Variants in TUBA4A observed in about 807,000 individuals in gnomAD.
TUBA4A encodes tubulin alpha 4a, also known as tubulin alpha-4A chain.
In TUBA4A, 23 loss-of-function variants were observed where a neutral mutation model predicts 34.3. That is an observed-to-expected ratio of 0.67 (90% CI 0.48 to 0.95). The LOEUF (loss-of-function observed/expected upper bound fraction) is 0.95. Ranked by LOEUF, TUBA4A falls within the 40% of genes least tolerant of loss-of-function variation. TUBA4A has a pLI of 0.00. For missense variants in TUBA4A, 279 were observed against 599.0 expected (o/e 0.47, Z 5.58); for synonymous variants, 216 against 230.5 (o/e 0.94, Z 0.57).
chr2:219,251,428 T>C lies in TUBA4A; in HGVS notation c.376-105A>G. 1 of 1,537,346 alleles carries C rather than the reference T, an allele frequency of 6.5e-7. No homozygotes were observed. The highest frequency in any genetic ancestry group is 8.8e-7 in the Non-Finnish European group (1 of 1,138,728). On this transcript the variant is annotated intron_variant, in intron 3 of 3. Transcript: ENST00000248437. The surrounding 1 kb of genome is among the most constrained non-coding windows in gnomAD (Gnocchi z 6.1). ...AAGATACATCAGCAGTCAGGGCAAA[T>C]ACTGAGGATGCCATAGCAGCACCAC...
rs577246083 is a variant in TUBA4A, at chr2:219,252,293, T to C, written c.4-63A>G. On this transcript the variant is annotated intron_variant, in intron 1 of 3. Coordinates refer to ENST00000248437, the MANE Select transcript of TUBA4A (RefSeq NM_006000.3). The surrounding 1 kb of genome is among the most constrained non-coding windows in gnomAD (Gnocchi z 4.1). ...CATCCACAAGTCCTCACCTTGCGAG[T>C]CTCTCTTCCACCCTATCATCTACCA... 7 of 1,460,622 alleles carry C rather than the reference T, an allele frequency of 4.8e-6. No individual in the cohort carries two copies. Among genetic ancestry groups the C allele is most frequent in the African/African-American group, 4.2e-5 (3 of 72,002 alleles). 90.5% of individuals were successfully genotyped at this position (1,460,622 alleles called of 1,614,324 possible). A position where few individuals can be genotyped will look rare whatever the true frequency, so the allele number is the denominator to read the frequency against.
In TUBA4A at chr2:219,250,989, G is replaced by C; in HGVS notation, c.710C>G (p.Ser237Cys). 6.2e-7 allele frequency: 1 copy of C among 1,614,204 alleles called. No individual in the cohort carries two copies. Among genetic ancestry groups the C allele is most frequent in the Non-Finnish European group, 8.5e-7 (1 of 1,180,042 alleles). ...GTCAAAGCGCAGAGAAGCTGTGATG[G>C]AGGAGACAATTTGGCTAATGAGGCG... Reference protein sequence around the residue: ...LNRLISQIVSSITASLRFDGA... With the variant: ...LNRLISQIVSCITASLRFDGA... Residue 237 changes from serine to cysteine, a missense_variant, in exon 4 of 4, where the codon TCC becomes TGC. Physicochemically the swap from Ser to Cys is moderately radical, Grantham distance 112. This residue lies in a region of TUBA4A where 108 missense variants were observed against 299.9 expected (regional missense o/e 0.36). Coordinates refer to ENST00000248437, the MANE Select transcript of TUBA4A (RefSeq NM_006000.3). The surrounding 1 kb of genome is among the most constrained non-coding windows in gnomAD (Gnocchi z 8.4).
chr2:219,250,571 G>T lies in TUBA4A; in HGVS notation c.1128C>A (p.Cys376Ter). 1.2e-6 allele frequency: 2 copies of T among 1,614,246 alleles called. No individual in the cohort carries two copies. Among genetic ancestry groups the T allele is most frequent in the Non-Finnish European group, 1.7e-6 (2 of 1,180,046 alleles). Residue 376 changes from cysteine (C) to a stop codon, truncating the protein, a stop_gained, in exon 4 of 4, where the codon TGC (cysteine) becomes TGA (stop). Transcript: ENST00000248437. LOFTEE classifies it high-confidence loss of function. This position sits in a 1 kb window ranked among gnomAD's most constrained non-coding sequence, Gnocchi z 8.4. Reference sequence around the variant, plus strand: ...CGATGGCGGTCGTGTTGCTCAGCATGCACACGGCACGCTGCACCTTGGCCA... The same window carrying T: ...CGATGGCGGTCGTGTTGCTCAGCATTCACACGGCACGCTGCACCTTGGCCA... ...GDLAKVQRAVCMLSNTTAIAE... is the reference protein window; with the variant it reads ...GDLAKVQRAV
chr2:219,250,248 G>A lies in TUBA4A; in HGVS notation c.*104C>T. The A allele has an allele frequency of 6.8e-7, 1 of 1,478,214 alleles. No homozygotes were observed. The highest frequency in any genetic ancestry group is 9.1e-7 in the Non-Finnish European group (1 of 1,094,624). The allele number at this position is 1,478,214 out of a possible 1,614,324, so 91.6% of individuals were successfully genotyped here. On this transcript the variant is annotated 3_prime_UTR_variant, in exon 4 of 4. Transcript: ENST00000248437. This position sits in a 1 kb window ranked among gnomAD's most constrained non-coding sequence, Gnocchi z 8.4. ...CAGCAGCAGCATGAAGGGGAAGGCA[G>A]CAGAAGCTCAAGCACTCAGAGGGAA... is the stretch of plus-strand genomic sequence containing the variant.
Position 219,251,958 on chromosome 2 carries a change from G to GC in TUBA4A, c.226+49dup, listed in dbSNP as rs993867036. 5.1e-6 allele frequency: 8 copies of GC among 1,573,646 alleles called. No individual in the cohort carries two copies. The highest frequency in any genetic ancestry group is 6.1e-6 in the Non-Finnish European group (7 of 1,145,156). On this transcript the variant is annotated intron_variant, in intron 2 of 3. Transcript: ENST00000248437. The surrounding 1 kb of genome is among the most constrained non-coding windows in gnomAD (Gnocchi z 6.1). ...AAATACCCTCTCTCTCCAGGGAGAA[G>GC]CTTTGAGTCATGCTCCACCCCCTTC...
Position 219,250,052 on chromosome 2 carries a change from C to G in TUBA4A, c.*300G>C. 1 of 361,412 alleles carries G rather than the reference C, an allele frequency of 2.8e-6. No homozygotes were observed. The highest frequency in any genetic ancestry group is 5.1e-6 in the Non-Finnish European group (1 of 196,870). 22.4% of individuals were successfully genotyped at this position (361,412 alleles called of 1,614,324 possible). ...ACTTGGAAAGGAGCTGAAGACTCAT[C>G]CTTCAACAGTTTGTGCCTGGATTTT... On this transcript the variant is annotated 3_prime_UTR_variant, in exon 4 of 4. Coordinates refer to ENST00000248437, the MANE Select transcript of TUBA4A (RefSeq NM_006000.3). The surrounding 1 kb of genome is among the most constrained non-coding windows in gnomAD (Gnocchi z 8.4).
At chr2:219,254,532 C>CGCAGCCT (rs1465649290), upstream of TUBA4A, 1 of 152,322 alleles carries the variant, frequency 6.6e-6, no homozygotes, top group Non-Finnish European at 1.5e-5. Flanking sequence ...AGTCGAGCCC[C>CGCAGCCT]GCAGCCTGTC....
At chr2:219,253,124 G>C (rs1395610500) in intron 1 of TUBA4A, 2 of 1,492,628 alleles carry the variant, frequency 1.3e-6, no homozygotes, top group Non-Finnish European at 9.1e-7. Flanking sequence ...TTATTTCCCA[G>C]CCCAAAGCGG....
upstream of TUBA4A, chr2:219,254,002 C>T (rs560721580): frequency 1.9e-4 from 165 of 848,948 alleles, 3 homozygotes; most frequent in South Asian, 4.2e-3. Context: ...GGCTGGGCGG[C>T]CCGCAGGCCA....
Position 219,250,239 on chromosome 2 carries a change from G to A in TUBA4A, c.*113C>T. 1 of 1,429,386 alleles carries A rather than the reference G, an allele frequency of 7.0e-7. No individual in the cohort carries two copies. Among genetic ancestry groups the A allele is most frequent in the Non-Finnish European group, 9.5e-7 (1 of 1,050,996 alleles). The allele number at this position is 1,429,386 out of a possible 1,614,324, so 88.5% of individuals were successfully genotyped here. A position where few individuals can be genotyped will look rare whatever the true frequency, so the allele number is the denominator to read the frequency against. Reference sequence around the variant, plus strand: ...CAAACAGAGCAGCAGCAGCATGAAGGGGAAGGCAGCAGAAGCTCAAGCACT... The same window carrying A: ...CAAACAGAGCAGCAGCAGCATGAAGAGGAAGGCAGCAGAAGCTCAAGCACT... On this transcript the variant is annotated 3_prime_UTR_variant, in exon 4 of 4. Coordinates refer to ENST00000248437, the MANE Select transcript of TUBA4A (RefSeq NM_006000.3). The surrounding 1 kb of genome is among the most constrained non-coding windows in gnomAD (Gnocchi z 8.4).
rs45576041 is a variant in TUBA4A at position 219,252,542 on chromosome 2, C to T, written c.4-312G>A. On this transcript the variant is annotated intron_variant, in intron 1 of 3. Transcript: ENST00000248437. The surrounding 1 kb of genome is among the most constrained non-coding windows in gnomAD (Gnocchi z 4.1). ...GAGGTATGGGTTTACAGCTAGAGGC[C>T]CCCCCCCCACTTGATTAATTATTTG... 3.4e-4 allele frequency among the ~76,000 whole-genome samples: 42 copies of T among 122,124 alleles called. 1 individual carries two copies. Among genetic ancestry groups the T allele is most frequent in the East Asian group, 4.7e-4 (2 of 4,222 alleles). 80.1% of individuals were successfully genotyped at this position (122,124 alleles called of 152,430 possible). A position where few individuals can be genotyped will look rare whatever the true frequency, so the allele number is the denominator to read the frequency against.
rs796804699 is a variant in TUBA4A, at chr2:219,252,540, G to GCA, written c.4-311_4-310insTG. ...TAGAGGTATGGGTTTACAGCTAGAG[G>GCA]CCCCCCCCCCACTTGATTAATTATT... is the stretch of plus-strand genomic sequence containing the variant. On this transcript the variant is annotated intron_variant, in intron 1 of 3. Coordinates refer to ENST00000248437, the MANE Select transcript of TUBA4A (RefSeq NM_006000.3). This position sits in a 1 kb window ranked among gnomAD's most constrained non-coding sequence, Gnocchi z 4.1. 5.3e-4 allele frequency among the ~76,000 whole-genome samples: 75 copies of GCA among 140,466 alleles called. 1 individual carries two copies. The highest frequency in any genetic ancestry group is 2.1e-3 in the South Asian group (9 of 4,300). 92.2% of individuals were successfully genotyped at this position (140,466 alleles called of 152,430 possible). A position where few individuals can be genotyped will look rare whatever the true frequency, so the allele number is the denominator to read the frequency against.
upstream of TUBA4A, chr2:219,254,318 C>T (rs964103215): frequency 1.3e-5 from 2 of 155,736 alleles, no homozygotes; most frequent in Non-Finnish European, 2.8e-5. Flanking sequence ...CTGGCCTTCA[C>T]CCCTGCCCTT....
At chr2:219,254,040 C>T, upstream of TUBA4A, 3 of 544,566 alleles carry the variant, frequency 5.5e-6, no homozygotes, top group Non-Finnish European at 9.2e-6. Flanking sequence ...AGCGGCCCCC[C>T]CGAGGGGCGG....
rs762376608 is a variant in TUBA4A at position 219,250,689 on chromosome 2, G to A, written c.1010C>T (p.Thr337Ile). The A allele has an allele frequency of 2.5e-6, 4 of 1,614,112 alleles. No homozygotes were observed. Residue 337 changes from threonine (T) to isoleucine (I), a missense_variant, in exon 4 of 4, where the codon ACC becomes ATC. Physicochemically the swap from Thr to Ile is moderately conservative, Grantham distance 89 (BLOSUM62 -1). Coordinates refer to ENST00000248437, the MANE Select transcript of TUBA4A (RefSeq NM_006000.3). This position sits in a 1 kb window ranked among gnomAD's most constrained non-coding sequence, Gnocchi z 8.4. ...GTCCACAAACTGAATGCTGCGCTTG[G>A]TCTTGATGGCGGCAATGGCAGCGTT... ...DVNAAIAAIK[T>I]KRSIQFVDWC...
Position 219,250,196 on chromosome 2 carries a change from G to T in TUBA4A, c.*156C>A. 9.0e-7 allele frequency: 1 copy of T among 1,115,930 alleles called. No homozygotes were observed. The highest frequency in any genetic ancestry group is 1.3e-6 in the Non-Finnish European group (1 of 771,686). 69.1% of individuals were successfully genotyped at this position (1,115,930 alleles called of 1,614,324 possible). ...AGGTCTCACCTTCAGCGATGGAAGG[G>T]ATAAGGGTCATGAACAGCAAACAGA... On this transcript the variant is annotated 3_prime_UTR_variant, in exon 4 of 4. Coordinates refer to ENST00000248437, the MANE Select transcript of TUBA4A (RefSeq NM_006000.3). The surrounding 1 kb of genome is among the most constrained non-coding windows in gnomAD (Gnocchi z 8.4).
In TUBA4A at chr2:219,251,302, G is replaced by A; in HGVS notation, c.397C>T (p.Gln133Ter). 6.2e-7 allele frequency: 1 copy of A among 1,612,358 alleles called. No homozygotes were observed. The highest frequency in any genetic ancestry group is 8.5e-7 in the Non-Finnish European group (1 of 1,178,912). Residue 133 changes from glutamine (Q) to a stop codon, truncating the protein, a stop_gained, in exon 4 of 4, where the codon CAG becomes TAG. Transcript: ENST00000248437. LOFTEE classifies it high-confidence loss of function. This position sits in a 1 kb window ranked among gnomAD's most constrained non-coding sequence, Gnocchi z 6.1. The part of the protein sequence containing the change: ...RKLSDQCTGL[Q>*]GFLVFHSFGG... ...AAGCTGTGGAACACCAGGAAGCCCT[G>A]AAGTCCTGTGCACTGGTCAGACTGA...
At position 219,250,588 on chromosome 2, in the gene TUBA4A, C is replaced by A; in HGVS notation, c.1111G>T (p.Val371Leu). 6.2e-7 allele frequency: 1 copy of A among 1,614,238 alleles called. No homozygotes were observed. Among genetic ancestry groups the A allele is most frequent in the East Asian group, 2.2e-5 (1 of 44,884 alleles). ...TVVPGGDLAK[V>L]QRAVCMLSNT... is the part of the protein sequence containing the mutation. ...CTCAGCATGCACACGGCACGCTGCA[C>A]CTTGGCCAGGTCACCCCCAGGCACC... Residue 371 changes from valine (V) to leucine (L), a missense_variant, in exon 4 of 4, where the codon GTG becomes TTG. By Grantham distance (32) the Val-to-Leu change is conservative. Coordinates refer to ENST00000248437, the MANE Select transcript of TUBA4A (RefSeq NM_006000.3). This position sits in a 1 kb window ranked among gnomAD's most constrained non-coding sequence, Gnocchi z 8.4.
chr2:219,253,358 G>GT (rs1553571364), intron 1 of TUBA4A: 3 of 1,528,028 alleles, frequency 2.0e-6, no homozygotes, highest in East Asian at 2.4e-5. Flanking sequence ...GAGTCACGGG[G>GT]GGGGGGTGGT....
Sources: allele counts gnomAD v4.1 joint callset (sites outside exome capture counted in the v4.1 genomes callset), GRCh38; gene constraint gnomAD v4.1.1; regional missense constraint gnomAD v4.1.1; non-coding constraint Gnocchi (gnomAD v3.1); transcripts MANE v1.5; gene names NCBI Gene and HGNC (gene_info 2026-07-23, HGNC 2026-07-21).